The following CMC1 variants were observed in gnomAD, a reference collection of about 807,000 sequenced individuals.
The protein encoded by CMC1 is COX assembly mitochondrial protein homolog.
In CMC1, 14 loss-of-function variants were observed where a neutral mutation model predicts 14.1. The observed-to-expected ratio is 0.99, with a 90% confidence interval of 0.66 to 1.55. The LOEUF is 1.55. CMC1 is among the 40% of genes most tolerant of loss of function. CMC1 has a pLI of 0.00. For synonymous variants in CMC1, 50 were observed against 38.4 expected (o/e 1.30, Z -1.12); for missense variants, 127 against 123.8 (o/e 1.03, Z -0.12).
At chr3:28,279,815 C>T (rs892154355) in intron 2 of CMC1, among the ~76,000 whole-genome samples, 5 of 152,122 alleles carry the variant, frequency 3.3e-5, no homozygotes, top group African/African-American at 1.2e-4. Flanking sequence ...ATAAGGACAA[C>T]CTTCATGTAA....
chr3:28,301,630 T>C (rs1702052988), intron 2 of CMC1, among the ~76,000 whole-genome samples: 1 of 146,022 alleles, frequency 6.8e-6, no homozygotes, highest in South Asian at 2.1e-4. Flanking sequence ...TGGATGCTGT[T>C]TTTTTTTTTT....
chr3:28,308,960 C>T (rs940041252), intron 2 of CMC1, among the ~76,000 whole-genome samples: 1 of 146,154 alleles, frequency 6.8e-6, no homozygotes, highest in Non-Finnish European at 1.5e-5. Context: ...TCCAGCCCGG[C>T]GACGGAGCGA....
At chr3:28,314,306 G>A (rs1436083717) in intron 2 of CMC1, among the ~76,000 whole-genome samples, 1 of 152,142 alleles carries the variant, frequency 6.6e-6, no homozygotes, top group Non-Finnish European at 1.5e-5. Flanking sequence ...ACCCTTCAGC[G>A]TCTCCACTGA....
At position 28,241,752 on chromosome 3, in the gene CMC1, C is replaced by G. The variant is rs1243385808; in HGVS notation, c.-42C>G. ...CCCCTCCACTCCCCTTCCTGCGTGC[C>G]CCGGAGCCGCCAAGCGGCTACGTTC... On this transcript the variant is annotated 5_prime_UTR_variant, in exon 1 of 4. Transcript: ENST00000466830. The G allele has an allele frequency of 8.1e-7, 1 of 1,241,744 alleles. No individual in the cohort carries two copies. The highest frequency in any genetic ancestry group is 1.6e-5 in the African/African-American group (1 of 64,424). The allele number at this position is 1,241,744 out of a possible 1,614,324, so 76.9% of individuals were successfully genotyped here.
intron 2 of CMC1, among the ~76,000 whole-genome samples, chr3:28,265,539 T>C (rs1176370200): frequency 6.6e-6 from 1 of 152,132 alleles, no homozygotes; most frequent in Non-Finnish European, 1.5e-5. Context: ...AGATAAAAGA[T>C]ACAGGAATTT....
At chr3:28,242,339 C>G (rs1444981067) in intron 1 of CMC1, among the ~76,000 whole-genome samples, 3 of 152,194 alleles carry the variant, frequency 2.0e-5, no homozygotes, top group African/African-American at 7.2e-5. Flanking sequence ...CAGCCACTTC[C>G]GTTTGCAGCA....
At chr3:28,241,898 A>G in intron 1 of CMC1, 86 bp downstream of exon 1, 1 of 1,196,552 alleles carries the variant, frequency 8.4e-7, no homozygotes, top group Non-Finnish European at 1.0e-6. Context: ...CCGACCTGGG[A>G]AAGGTGCAGA....
chr3:28,268,283 A>G (rs1301670591), intron 2 of CMC1, among the ~76,000 whole-genome samples: 2 of 152,188 alleles, frequency 1.3e-5, no homozygotes, highest in Non-Finnish European at 2.9e-5. Flanking sequence ...AGCAAAATCA[A>G]CAAAGGGAAA....
At position 28,324,433 on chromosome 3, in the gene CMC1, C is replaced by A; in HGVS notation, c.*4804C>A. ...TGTGCTGTCTCTTCCAAGGTCTTCA[C>A]TGCATCCTACAGGGGCACAGGCTAA... On this transcript the variant is annotated 3_prime_UTR_variant, in exon 4 of 4. Coordinates refer to ENST00000466830, the MANE Select transcript of CMC1 (RefSeq NM_182523.2). 2 of 1,509,800 alleles carry A rather than the reference C, an allele frequency of 1.3e-6. No homozygotes were observed. The highest frequency in any genetic ancestry group is 1.8e-6 in the Non-Finnish European group (2 of 1,127,338). The allele number at this position is 1,509,800 out of a possible 1,614,324, so 93.5% of individuals were successfully genotyped here.
chr3:28,244,789 G>T (rs1357451089), intron 1 of CMC1, among the ~76,000 whole-genome samples: 1 of 151,836 alleles, frequency 6.6e-6, no homozygotes, highest in Non-Finnish European at 1.5e-5. Context: ...CTGGGTGGAA[G>T]GTCATGGTCA....
At chr3:28,291,336 G>T (rs890801192) in intron 2 of CMC1, among the ~76,000 whole-genome samples, 6 of 152,106 alleles carry the variant, frequency 3.9e-5, no homozygotes, top group Admixed American at 3.3e-4. Context: ...TGCCTACCAT[G>T]CCTTGGTTTT....
chr3:28,255,674 A>G (rs559112601), intron 1 of CMC1, among the ~76,000 whole-genome samples: 9 of 146,692 alleles, frequency 6.1e-5, no homozygotes, highest in Non-Finnish European at 1.4e-4. Context: ...AACGGTTAGT[A>G]ACATTTTTGA....
Position 28,260,715 on chromosome 3 carries a change from A to G in CMC1, c.20-2576A>G, listed in dbSNP as rs116356589. ...TACAAGACCTTTTTTCTTTTTCTAG[A>G]TAGGTTTTTAGTGCTACAAATTTCC... On this transcript the variant is annotated intron_variant, in intron 1 of 3. Transcript: ENST00000466830. 4.0e-3 allele frequency among the ~76,000 whole-genome samples: 603 copies of G among 151,770 alleles called. 4 individuals carry two copies. Among genetic ancestry groups the G allele is most frequent in the African/African-American group, 0.014 (576 of 41,412 alleles).
At chr3:28,278,734 C>T (rs1312698927) in intron 2 of CMC1, among the ~76,000 whole-genome samples, 1 of 152,124 alleles carries the variant, frequency 6.6e-6, no homozygotes, top group Non-Finnish European at 1.5e-5. Context: ...AGTAAATTAC[C>T]TATTCGGTAT....
chr3:28,255,068 A>G (rs1699321449), intron 1 of CMC1, among the ~76,000 whole-genome samples: 1 of 152,130 alleles, frequency 6.6e-6, no homozygotes. Context: ...TCCCTATCTC[A>G]ATAAATGGTC....
At chr3:28,303,071 C>A (rs1259754951) in intron 2 of CMC1, among the ~76,000 whole-genome samples, 1 of 152,076 alleles carries the variant, frequency 6.6e-6, no homozygotes, top group Non-Finnish European at 1.5e-5. Flanking sequence ...ATTCATCTGG[C>A]AAATGAAGAT....
intron 2 of CMC1, among the ~76,000 whole-genome samples, chr3:28,296,410 A>C (rs948743055): frequency 6.6e-6 from 1 of 152,092 alleles, no homozygotes; most frequent in Non-Finnish European, 1.5e-5. Context: ...TTTACTTTCT[A>C]AAACACTGAA....
At chr3:28,268,387 C>A (rs1172017639) in intron 2 of CMC1, among the ~76,000 whole-genome samples, 1 of 152,202 alleles carries the variant, frequency 6.6e-6, no homozygotes, top group Non-Finnish European at 1.5e-5. Flanking sequence ...TTCTCCAGCA[C>A]TGTATTGTGA....
At chr3:28,275,856 G>C (rs1418302589) in intron 2 of CMC1, among the ~76,000 whole-genome samples, 2 of 152,194 alleles carry the variant, frequency 1.3e-5, no homozygotes, top group East Asian at 3.9e-4. Flanking sequence ...AGTGAGGAGA[G>C]ATGCATCCAG....
Sources: allele counts gnomAD v4.1 joint callset (sites outside exome capture counted in the v4.1 genomes callset), GRCh38; gene constraint gnomAD v4.1.1; transcripts MANE v1.5; gene names NCBI Gene and HGNC (gene_info 2026-07-23, HGNC 2026-07-21).